EFCAB5: variants seen among roughly 807,000 people sequenced by gnomAD.
The protein encoded by EFCAB5 is EF-hand calcium-binding domain-containing protein 5.
Under a neutral mutation model 167.9 loss-of-function variants are expected in EFCAB5, and 131 were observed. The ratio of observed to expected loss-of-function variants is 0.78; its 90% confidence interval spans 0.68 to 0.90. The LOEUF is 0.90. Among genes scored for constraint, EFCAB5 ranks in the 40% least tolerant of loss-of-function variants. The pLI, the probability that EFCAB5 is intolerant of heterozygous loss-of-function variation, is 0.00. For missense variants in EFCAB5, 1,663 were observed against 1,745.2 expected (o/e 0.95, Z 0.84); for synonymous variants, 574 against 602.8 (o/e 0.95, Z 0.70).
rs189783746 is a variant in EFCAB5 at position 30,050,507 on chromosome 17, T to C, written c.1201-611T>C. Among the ~76,000 whole-genome samples the C allele has an allele frequency of 2.8e-3, 431 of 152,294 alleles. 2 individuals carry two copies. The highest frequency in any genetic ancestry group is 4.6e-3 in the Non-Finnish European group (312 of 68,020). Reference sequence around the variant, plus strand: ...TCAGCCAGGCTGGACTGCAGTGACATGATCATAGCTCACTGCAAATCAACA... The same window carrying C: ...TCAGCCAGGCTGGACTGCAGTGACACGATCATAGCTCACTGCAAATCAACA... On this transcript the variant is annotated intron_variant, in intron 8 of 22. Coordinates refer to ENST00000394835, the MANE Select transcript of EFCAB5 (RefSeq NM_198529.4).
intron 14 of EFCAB5, among the ~76,000 whole-genome samples, chr17:30,061,612 G>A (rs575124708): frequency 6.6e-6 from 1 of 152,202 alleles, no homozygotes; most frequent in Admixed American, 6.5e-5. Context: ...GTCTCACTCT[G>A]TTGCCAAGGC....
At position 30,034,359 on chromosome 17, in the gene EFCAB5, C is replaced by G; in HGVS notation, c.1174C>G (p.Leu392Val). 1 of 1,607,744 alleles carries G rather than the reference C, an allele frequency of 6.2e-7. No homozygotes were observed. The highest frequency in any genetic ancestry group is 8.5e-7 in the Non-Finnish European group (1 of 1,176,452). Residue 392 changes from leucine (L) to valine (V), a missense_variant, in exon 8 of 23, where the codon CTC becomes GTC. Leu to Val is a conservative substitution (Grantham distance 32). Coordinates refer to ENST00000394835, the MANE Select transcript of EFCAB5 (RefSeq NM_198529.4). ...ADMRRQMFAELFLHCDHGKVG... is the reference protein window; with the variant it reads ...ADMRRQMFAEVFLHCDHGKVG... ...CATGCGGAGGCAGATGTTCGCTGAA[C>G]TCTTCCTACATTGTGACCACGGGAA...
intron 3 of EFCAB5, among the ~76,000 whole-genome samples, chr17:29,950,103 AT>A (rs2067477749): frequency 1.3e-5 from 2 of 152,032 alleles, no homozygotes; most frequent in South Asian, 2.1e-4. Flanking sequence ...TTATACACAG[AT>A]TTTCTTCCAC....
chr17:29,978,338 T>C lies in EFCAB5; in HGVS notation c.767+8971T>C, dbSNP rs1476118776. Among the ~76,000 whole-genome samples, 4 of 152,350 alleles carry C rather than the reference T, an allele frequency of 2.6e-5. No individual in the cohort carries two copies. In the East Asian group the frequency reaches 7.7e-4, roughly 29 times the overall value. On this transcript the variant is annotated intron_variant, in intron 4 of 22. Coordinates refer to ENST00000394835, the MANE Select transcript of EFCAB5 (RefSeq NM_198529.4). ...TTGTAGTATTCAAATGACTGTTACATCCAATGGAATTGTGGTAGGACTTTA... is the reference window on the plus strand; with the variant it reads ...TTGTAGTATTCAAATGACTGTTACACCCAATGGAATTGTGGTAGGACTTTA...
In EFCAB5 at chr17:29,993,049, T is replaced by C. The variant is rs185322557; in HGVS notation, c.768-116T>C. ...GCTCACTACAGGCCTGAATCAAAGA[T>C]TTTATGGAGAAAAGACAGGCAAACA... On this transcript the variant is annotated intron_variant, in intron 4 of 22. Transcript: ENST00000394835. 3.2e-5 allele frequency: 36 copies of C among 1,121,990 alleles called. No individual in the cohort carries two copies. The East Asian group carries it at 9.9e-4, about 31-fold the overall frequency. The allele number at this position is 1,121,990 out of a possible 1,614,324, so 69.5% of individuals were successfully genotyped here.
intron 4 of EFCAB5, among the ~76,000 whole-genome samples, chr17:29,992,959 A>G (rs1015219311): frequency 6.6e-6 from 1 of 152,214 alleles, no homozygotes; most frequent in African/African-American, 2.4e-5. Flanking sequence ...ACCTCTATAA[A>G]AAGTCAAATA....
chr17:29,978,171 T>C (rs1441184980), intron 4 of EFCAB5, among the ~76,000 whole-genome samples: 1 of 152,196 alleles, frequency 6.6e-6, no homozygotes, highest in Admixed American at 6.5e-5. Flanking sequence ...GCTTATATTA[T>C]GCTAGGAAAA....
intron 4 of EFCAB5, among the ~76,000 whole-genome samples, chr17:29,981,673 G>A (rs903444539): frequency 2.6e-5 from 4 of 152,092 alleles, no homozygotes; most frequent in Non-Finnish European, 5.9e-5. Flanking sequence ...ATTCCAGTCT[G>A]CCTTAATGAT....
intron 19 of EFCAB5, 103 bp from the exon 20 acceptor site, chr17:30,090,318 T>C (rs1411006174): frequency 2.5e-5 from 35 of 1,424,484 alleles, no homozygotes; most frequent in Non-Finnish European, 2.3e-5. Context: ...GCTGGCATGG[T>C]GGAAGTGAGG....
At chr17:29,948,849 T>G (rs2067454506) in intron 3 of EFCAB5, among the ~76,000 whole-genome samples, 1 of 152,116 alleles carries the variant, frequency 6.6e-6, no homozygotes, top group Non-Finnish European at 1.5e-5. Flanking sequence ...AGATTAAGAG[T>G]GTTTTGTAGG....
intron 7 of EFCAB5, among the ~76,000 whole-genome samples, chr17:30,001,641 T>C (rs761733340): frequency 5.3e-5 from 8 of 152,198 alleles, no homozygotes; most frequent in Non-Finnish European, 1.0e-4. Flanking sequence ...TTTTATGATA[T>C]GTGAATTATG....
At chr17:29,972,859 C>A (rs2067987059) in intron 4 of EFCAB5, 4 of 201,964 alleles carry the variant, frequency 2.0e-5, no homozygotes, top group Non-Finnish European at 2.1e-5. Context: ...GTGATCCATG[C>A]CTCGAGGGCC....
At chr17:30,034,478 T>A (rs1285538265) in intron 8 of EFCAB5, 93 bp downstream of exon 8, 1 of 1,464,644 alleles carries the variant, frequency 6.8e-7, no homozygotes. Context: ...GCTGGTGGAT[T>A]ACTTGAGCCC....
At chr17:30,075,442 C>T (rs1187494736) in intron 14 of EFCAB5, among the ~76,000 whole-genome samples, 1 of 152,154 alleles carries the variant, frequency 6.6e-6, no homozygotes, top group Non-Finnish European at 1.5e-5. Context: ...GCTCTGACTC[C>T]TTATGCTGAG....
chr17:29,932,486 G>C (rs1264440219), intron 1 of EFCAB5, among the ~76,000 whole-genome samples: 5 of 27,772 alleles, frequency 1.8e-4, no homozygotes, highest in African/African-American at 5.7e-4. Context: ...ACGGATTTTT[G>C]CTCTTGTTGC....
At chr17:29,993,362 A>G (rs758645529) in intron 5 of EFCAB5, 41 bp downstream of exon 5, 1 of 1,581,148 alleles carries the variant, frequency 6.3e-7, no homozygotes, top group Admixed American at 1.8e-5. Context: ...AGGTGGGGTA[A>G]GTGGTAAAAG....
At chr17:30,101,291 G>T (rs1444258694) in intron 22 of EFCAB5, among the ~76,000 whole-genome samples, 1 of 152,172 alleles carries the variant, frequency 6.6e-6, no homozygotes, top group Non-Finnish European at 1.5e-5. Context: ...GTTGTTGCAG[G>T]AATCTGGTGG....
chr17:30,085,719 C>CAAA (rs60700223), intron 18 of EFCAB5, among the ~76,000 whole-genome samples: 5 of 125,470 alleles, frequency 4.0e-5, no homozygotes, highest in African/African-American at 9.4e-5. Flanking sequence ...GACTCCGTCT[C>CAAA]AAAAAAAAAA....
intron 8 of EFCAB5, among the ~76,000 whole-genome samples, chr17:30,044,570 G>A (rs35421305): frequency 0.039 from 5,872 of 150,816 alleles, 175 homozygotes; most frequent in Non-Finnish European, 0.059. Context: ...AGCAAGACTC[G>A]ATCTCACAAG....
Sources: gnomAD v4.1 joint callset for allele counts (sites outside exome capture counted in the v4.1 genomes callset) on GRCh38, gnomAD v4.1.1 for gene constraint, MANE v1.5 for transcripts, NCBI Gene and HGNC (gene_info 2026-07-23, HGNC 2026-07-21) for gene names.